EPHX4: variants seen among roughly 807,000 people sequenced by gnomAD.
The protein encoded by EPHX4 is epoxide hydrolase 4, also known as abhydrolase domain containing 7.
EPHX4 carries 31 observed loss-of-function variants against 44.9 expected under a neutral mutation model. The observed-to-expected ratio is 0.69, with a 90% CI of 0.52 to 0.93. The LOEUF (loss-of-function observed/expected upper bound fraction) is 0.93. Among genes scored for constraint, EPHX4 ranks in the 40% least tolerant of loss-of-function variants. The probability of loss-of-function intolerance (pLI) is 0.00; values close to 1 mark genes in which losing one functional copy is unlikely to be tolerated. For missense variants in EPHX4, 373 were observed against 438.1 expected (o/e 0.85, Z 1.33); for synonymous variants, 151 against 159.7 (o/e 0.95, Z 0.41).
intron 6 of EPHX4, among the ~76,000 whole-genome samples, chr1:92,058,616 A>G (rs1647423553): frequency 6.6e-6 from 1 of 152,106 alleles, no homozygotes; most frequent in South Asian, 2.1e-4. Flanking sequence ...AGGTGGGATA[A>G]GCCTGCATCT....
chr1:92,054,107 G>A, intron 6 of EPHX4, among the ~76,000 whole-genome samples: 1 of 152,112 alleles, frequency 6.6e-6, no homozygotes, highest in Non-Finnish European at 1.5e-5. Flanking sequence ...TTGAGGTTTA[G>A]GGATTTGAAT....
chr1:92,053,430 G>A (rs1206803612), intron 6 of EPHX4, among the ~76,000 whole-genome samples: 42 of 152,122 alleles, frequency 2.8e-4, no homozygotes, highest in Admixed American at 2.7e-3. Flanking sequence ...CCATGAATGC[G>A]AAGCCAGTGA....
intron 5 of EPHX4, among the ~76,000 whole-genome samples, chr1:92,050,789 A>T (rs1647236297): frequency 6.6e-6 from 1 of 151,920 alleles, no homozygotes; most frequent in Non-Finnish European, 1.5e-5. Flanking sequence ...ACATACACTG[A>T]CACCAGTAGT....
chr1:92,041,988 G>A (rs1437756646), intron 2 of EPHX4, among the ~76,000 whole-genome samples: 1 of 152,202 alleles, frequency 6.6e-6, no homozygotes. Flanking sequence ...GGCAGAGGTT[G>A]CAGTGAGCCA....
intron 2 of EPHX4, among the ~76,000 whole-genome samples, chr1:92,037,122 T>C (rs1184598000): frequency 6.6e-6 from 1 of 152,226 alleles, no homozygotes; most frequent in Non-Finnish European, 1.5e-5. Flanking sequence ...ATGTTATTCC[T>C]CTAGCAATTA....
rs1050464003 is a variant in EPHX4, at chr1:92,062,686, C to A, written c.858-369C>A. 4.6e-5 allele frequency among the ~76,000 whole-genome samples: 7 copies of A among 151,392 alleles called. No individual in the cohort carries two copies. In the South Asian group the frequency reaches 1.3e-3, roughly 27 times the overall value. ...TTATTATACATTTTACTAGCCTCAT[C>A]CAATTTAAATTTTACTGGGTCTTTT... On this transcript the variant is annotated intron_variant, in intron 6 of 6. Coordinates refer to ENST00000370383, the MANE Select transcript of EPHX4 (RefSeq NM_173567.5).
intron 5 of EPHX4, among the ~76,000 whole-genome samples, chr1:92,051,929 T>C (rs1474612999): frequency 6.6e-6 from 1 of 152,236 alleles, no homozygotes; most frequent in Non-Finnish European, 1.5e-5. Flanking sequence ...CTATTTATTC[T>C]GAAATATAGT....
Position 92,032,500 on chromosome 1 carries a change from T to C in EPHX4, c.232-5T>C, listed in dbSNP as rs764914570. 6.2e-7 allele frequency: 1 copy of C among 1,612,432 alleles called. No individual in the cohort carries two copies. The highest frequency in any genetic ancestry group is 1.7e-5 in the Admixed American group (1 of 60,008). ...TCACTAAAATTCCATGCCCTCTACT[T>C]TCAGGATTCAGGGTTAAGATTTCAC... On this transcript the variant is annotated splice_polypyrimidine_tract_variant and splice_region_variant and intron_variant, in intron 1 of 6. Coordinates refer to ENST00000370383, the MANE Select transcript of EPHX4 (RefSeq NM_173567.5).
chr1:92,030,397 C>G, intron 1 of EPHX4, 87 bp downstream of exon 1: 2 of 1,253,808 alleles, frequency 1.6e-6, no homozygotes, highest in Non-Finnish European at 2.1e-6. Context: ...TTCCGAGACG[C>G]TGGCTCAGCG....
chr1:92,041,670 C>T (rs1022653092), intron 2 of EPHX4, among the ~76,000 whole-genome samples: 2 of 152,148 alleles, frequency 1.3e-5, no homozygotes, highest in Non-Finnish European at 2.9e-5. Flanking sequence ...TCTAGAAATT[C>T]GGGCTGTAAA....
chr1:92,034,033 A>C (rs181702114), intron 2 of EPHX4, among the ~76,000 whole-genome samples: 235 of 121,018 alleles, frequency 1.9e-3, no homozygotes, highest in African/African-American at 5.7e-3. Flanking sequence ...AACATCTTTA[A>C]AAGAGGTGGT....
intron 2 of EPHX4, among the ~76,000 whole-genome samples, chr1:92,041,652 A>G (rs1688509989): frequency 6.6e-6 from 1 of 152,172 alleles, no homozygotes; most frequent in South Asian, 2.1e-4. Context: ...TTGATAATCC[A>G]TTTATTATCT....
chr1:92,050,510 A>G (rs1208347589), intron 5 of EPHX4, 90 bp downstream of exon 5: 16 of 718,618 alleles, frequency 2.2e-5, no homozygotes, highest in Middle Eastern at 4.1e-4. Flanking sequence ...ATAATGAAAA[A>G]TGAAAGGAAA....
At position 92,054,530 on chromosome 1, in the gene EPHX4, G is replaced by A. The variant is rs1342608654; in HGVS notation, c.857+1872G>A. On this transcript the variant is annotated intron_variant, in intron 6 of 6. Transcript: ENST00000370383. Reference sequence around the variant, plus strand: ...TTGAACCTGGGAGGCGGCGGTTGCAGTGAACCGAGATCACGCCACTGCACT... The same window carrying A: ...TTGAACCTGGGAGGCGGCGGTTGCAATGAACCGAGATCACGCCACTGCACT... Among the ~76,000 whole-genome samples the A allele has an allele frequency of 2.0e-5, 3 of 149,098 alleles. 1 individual carries two copies. Among genetic ancestry groups the A allele is most frequent in the East Asian group, 4.0e-4 (2 of 5,052 alleles).
intron 4 of EPHX4, among the ~76,000 whole-genome samples, chr1:92,047,399 CAA>C (rs572683255): frequency 3.0e-4 from 33 of 111,288 alleles, no homozygotes; most frequent in African/African-American, 2.0e-4. Context: ...GACCCTGTCT[CAA>C]AAAAAAAAAA....
chr1:92,061,992 G>C (rs1647507476), intron 6 of EPHX4, among the ~76,000 whole-genome samples: 1 of 152,026 alleles, frequency 6.6e-6, no homozygotes, highest in Non-Finnish European at 1.5e-5. Context: ...AGGATCACTT[G>C]AAGCCAGGAG....
intron 2 of EPHX4, among the ~76,000 whole-genome samples, chr1:92,035,158 A>T (rs765696106): frequency 2.2e-4 from 34 of 152,224 alleles, no homozygotes; most frequent in Admixed American, 4.6e-4. Context: ...ATAAATAAAC[A>T]TAAGTCATTT....
intron 6 of EPHX4, among the ~76,000 whole-genome samples, chr1:92,055,989 G>C (rs749940197): frequency 4.1e-5 from 6 of 146,532 alleles, no homozygotes; most frequent in Non-Finnish European, 7.6e-5. Context: ...TTAATTAGCA[G>C]AGAGAGAGAG....
intron 2 of EPHX4, among the ~76,000 whole-genome samples, chr1:92,041,085 T>C (rs1048432298): frequency 2.6e-5 from 4 of 152,148 alleles, no homozygotes; most frequent in African/African-American, 9.7e-5. Flanking sequence ...TTTTGCTTAT[T>C]TGAAGAAGAA....
Sources: allele counts gnomAD v4.1 joint callset (sites outside exome capture counted in the v4.1 genomes callset), GRCh38; gene constraint gnomAD v4.1.1; transcripts MANE v1.5; gene names NCBI Gene and HGNC (gene_info 2026-07-23, HGNC 2026-07-21).